Variants in SLC4A4 observed in about 807,000 individuals in gnomAD.
SLC4A4 encodes electrogenic sodium bicarbonate cotransporter 1.
Under a neutral mutation model 111.5 loss-of-function variants are expected in SLC4A4, and 27 were observed. The observed-to-expected ratio is 0.24, with a 90% CI of 0.18 to 0.33. SLC4A4 has a LOEUF of 0.33. Among genes scored for constraint, SLC4A4 ranks in the 10% least tolerant of loss-of-function variants. SLC4A4 has a pLI of 1.00. For missense variants in SLC4A4, 909 were observed against 1,315.5 expected (o/e 0.69, Z 4.78); for synonymous variants, 443 against 463.4 (o/e 0.96, Z 0.57).
At chr4:71,320,823 A>G (rs900573432) in intron 3 of SLC4A4, among the ~76,000 whole-genome samples, 1 of 152,062 alleles carries the variant, frequency 6.6e-6, no homozygotes, top group Non-Finnish European at 1.5e-5. Context: ...GCCAAGCCTT[A>G]CACGTTACCC....
intron 17 of SLC4A4, 84 bp downstream of exon 17, chr4:71,532,259 A>C: frequency 2.3e-6 from 2 of 862,740 alleles, no homozygotes; most frequent in Non-Finnish European, 4.0e-6. Context: ...TTTCTCTTTG[A>C]GTTAGTTTTG....
chr4:71,400,936 G>A (rs949460615), intron 7 of SLC4A4, among the ~76,000 whole-genome samples: 1 of 152,158 alleles, frequency 6.6e-6, no homozygotes, highest in African/African-American at 2.4e-5. Context: ...TGTCCTGGAA[G>A]TGATCTTGGC....
intron 3 of SLC4A4, among the ~76,000 whole-genome samples, chr4:71,338,122 C>T (rs1030343655): frequency 6.6e-6 from 1 of 152,010 alleles, no homozygotes; most frequent in African/African-American, 2.4e-5. Context: ...TGTAAGCCAC[C>T]GCGCCCTGCC....
chr4:71,505,694 A>G (rs902809004), intron 16 of SLC4A4, among the ~76,000 whole-genome samples: 31 of 152,010 alleles, frequency 2.0e-4, no homozygotes, highest in African/African-American at 6.0e-4. Context: ...CTTTAGTTTA[A>G]TTAGATTCTG....
chr4:71,540,485 G>A (rs1048360533), intron 18 of SLC4A4, among the ~76,000 whole-genome samples: 1 of 152,148 alleles, frequency 6.6e-6, no homozygotes, highest in African/African-American at 2.4e-5. Context: ...CGTTTGGTTT[G>A]TATTCATGGA....
intron 1 of SLC4A4, among the ~76,000 whole-genome samples, chr4:71,214,656 A>G (rs1281140846): frequency 6.6e-6 from 1 of 152,236 alleles, no homozygotes; most frequent in African/African-American, 2.4e-5. Flanking sequence ...GCAAAAAAAG[A>G]AAGTTGGTGA....
chr4:71,221,270 G>T (rs747926105), intron 1 of SLC4A4, among the ~76,000 whole-genome samples: 7 of 152,178 alleles, frequency 4.6e-5, no homozygotes, highest in Non-Finnish European at 1.0e-4. Flanking sequence ...AGATAGTTCT[G>T]CTTTTAACTC....
In SLC4A4 at chr4:71,252,882, G is replaced by A. The variant is rs191269178; in HGVS notation, c.74-2338G>A. Among the ~76,000 whole-genome samples, 16 of 152,160 alleles carry A rather than the reference G, an allele frequency of 1.1e-4. No homozygotes were observed. The East Asian group carries it at 3.1e-3, about 29-fold the overall frequency. ...CATTGACTGTATCATTAAAATGAGTGGATTTTATTGTTTATAAATTACACC... is the reference window on the plus strand; with the variant it reads ...CATTGACTGTATCATTAAAATGAGTAGATTTTATTGTTTATAAATTACACC... On this transcript the variant is annotated intron_variant, in intron 2 of 25. Transcript: ENST00000264485.
At chr4:71,128,482 G>T (rs1215528632) in intron 2 of SLC4A4, among the ~76,000 whole-genome samples, 4 of 152,022 alleles carry the variant, frequency 2.6e-5, no homozygotes, top group Admixed American at 2.6e-4. Context: ...AAAAATTGGG[G>T]TATCAAAGAC....
At chr4:71,554,036 A>G (rs989705972) in intron 20 of SLC4A4, among the ~76,000 whole-genome samples, 1 of 151,942 alleles carries the variant, frequency 6.6e-6, no homozygotes, top group Non-Finnish European at 1.5e-5. Context: ...AAAATTGGAA[A>G]TATTTGTTAC....
At chr4:71,488,165 A>G (rs1729589784) in intron 15 of SLC4A4, among the ~76,000 whole-genome samples, 1 of 149,412 alleles carries the variant, frequency 6.7e-6, no homozygotes, top group African/African-American at 2.4e-5. Context: ...TTTAATTAAA[A>G]TATAGCTAAT....
intron 12 of SLC4A4, among the ~76,000 whole-genome samples, chr4:71,465,671 G>C (rs978987193): frequency 6.6e-6 from 1 of 151,780 alleles, no homozygotes; most frequent in East Asian, 2.0e-4. Flanking sequence ...AGTTAGGATC[G>C]TTTTGTAAGT....
chr4:71,506,431 A>G (rs192145738), intron 16 of SLC4A4, among the ~76,000 whole-genome samples: 6 of 151,922 alleles, frequency 3.9e-5, no homozygotes, highest in African/African-American at 1.4e-4. Flanking sequence ...ATTCCTAGGT[A>G]TTTTATTCTT....
chr4:71,084,816 TG>T (rs2023020044), intron 1 of SLC4A4, among the ~76,000 whole-genome samples: 1 of 152,052 alleles, frequency 6.6e-6, no homozygotes, highest in African/African-American at 2.4e-5. Context: ...GATGGACATT[TG>T]GGTTGGTTCC....
chr4:71,528,319 A>C (rs1041103530), intron 16 of SLC4A4, among the ~76,000 whole-genome samples: 1 of 152,048 alleles, frequency 6.6e-6, no homozygotes, highest in Non-Finnish European at 1.5e-5. Flanking sequence ...TAGGCTCTGT[A>C]TTAAATATGA....
intron 2 of SLC4A4, among the ~76,000 whole-genome samples, chr4:71,099,385 G>A (rs931212214): frequency 1.6e-4 from 24 of 152,128 alleles, no homozygotes; most frequent in African/African-American, 5.6e-4. Flanking sequence ...AAATAAAGAC[G>A]TTCTTTGAAA....
chr4:71,496,658 G>C (rs1730435713), intron 15 of SLC4A4, among the ~76,000 whole-genome samples: 1 of 151,940 alleles, frequency 6.6e-6, no homozygotes, highest in Non-Finnish European at 1.5e-5. Flanking sequence ...TGGGTGTGCT[G>C]GCCCTATCTA....
At chr4:71,261,314 T>C (rs958024085) in intron 3 of SLC4A4, among the ~76,000 whole-genome samples, 7 of 152,186 alleles carry the variant, frequency 4.6e-5, no homozygotes, top group African/African-American at 1.7e-4. Flanking sequence ...TAGTCGGCAG[T>C]TGTAATTCCC....
chr4:71,281,067 A>T (rs1723477474), intron 3 of SLC4A4, among the ~76,000 whole-genome samples: 1 of 152,124 alleles, frequency 6.6e-6, no homozygotes, highest in Admixed American at 6.6e-5. Context: ...CATAAGTGAG[A>T]GTTAGGAGAT....
Sources: allele counts gnomAD v4.1 joint callset (sites outside exome capture counted in the v4.1 genomes callset), GRCh38; gene constraint gnomAD v4.1.1; transcripts MANE v1.5; gene names NCBI Gene and HGNC (gene_info 2026-07-23, HGNC 2026-07-21).